CSMD1: variants seen among roughly 807,000 people sequenced by gnomAD.
CSMD1 encodes CUB and Sushi multiple domains 1.
In CSMD1, 213 loss-of-function variants were observed where a neutral mutation model predicts 417.5. That is an observed-to-expected ratio of 0.51 (90% CI 0.46 to 0.57). CSMD1 has a LOEUF of 0.57. CSMD1 is among the 20% of genes least tolerant of loss of function. The pLI, the probability that CSMD1 is intolerant of heterozygous loss-of-function variation, is 0.00. For synonymous variants in CSMD1, 2,862 were observed against 1,736.8 expected (o/e 1.65, Z -16.11); for missense variants, 6,923 against 4,529.7 (o/e 1.53, Z -15.17).
intron 54 of CSMD1, among the ~76,000 whole-genome samples, chr8:2,984,364 C>T (rs909546303): frequency 2.0e-5 from 3 of 151,784 alleles, no homozygotes; most frequent in East Asian, 1.9e-4. Context: ...TCTTTTTTCC[C>T]CCGAGACCAC....
At chr8:3,715,935 G>A (rs1801804976) in intron 6 of CSMD1, among the ~76,000 whole-genome samples, 1 of 152,184 alleles carries the variant, frequency 6.6e-6, no homozygotes, top group Non-Finnish European at 1.5e-5. Context: ...CCTACTCCCT[G>A]TGGACATGAT....
At chr8:4,030,578 C>A (rs983115480) in intron 4 of CSMD1, among the ~76,000 whole-genome samples, 1 of 152,144 alleles carries the variant, frequency 6.6e-6, no homozygotes, top group Non-Finnish European at 1.5e-5. Flanking sequence ...CTTTTATTCT[C>A]CTAGACCTCC....
At chr8:4,184,209 G>A (rs140554186) in intron 3 of CSMD1, among the ~76,000 whole-genome samples, 1 of 152,198 alleles carries the variant, frequency 6.6e-6, no homozygotes, top group Non-Finnish European at 1.5e-5. Context: ...CTGAGCCTAA[G>A]AGTATAACTG....
At chr8:3,372,868 C>A (rs1810060081) in intron 18 of CSMD1, among the ~76,000 whole-genome samples, 1 of 152,108 alleles carries the variant, frequency 6.6e-6, no homozygotes, top group South Asian at 2.1e-4. Flanking sequence ...AAATAAGCTT[C>A]CATAGAGGGA....
intron 3 of CSMD1, among the ~76,000 whole-genome samples, chr8:4,153,433 C>A (rs1448859557): frequency 6.6e-6 from 1 of 152,146 alleles, no homozygotes; most frequent in African/African-American, 2.4e-5. Flanking sequence ...GCCTGTGCCC[C>A]GCACTTAGCA....
rs1230101926 is a variant in CSMD1 at position 3,935,602 on chromosome 8, G to A, written c.818+62301C>T. Among the ~76,000 whole-genome samples, 6 of 152,154 alleles carry A rather than the reference G, an allele frequency of 3.9e-5. 1 individual carries two copies. The South Asian group carries it at 1.0e-3, about 26-fold the overall frequency. On this transcript the variant is annotated intron_variant, in intron 5 of 69. Transcript: ENST00000635120. ...TGATCTGTCATCAGTAATTTTTGTT[G>A]TAACTATTGTAATTGTTTGGGGGCC...
intron 1 of CSMD1, among the ~76,000 whole-genome samples, chr8:4,781,340 G>A (rs549754338): frequency 5.9e-5 from 9 of 152,270 alleles, no homozygotes; most frequent in East Asian, 5.8e-4. Context: ...TTACAACCAC[G>A]CATGAAACAA....
intron 2 of CSMD1, among the ~76,000 whole-genome samples, chr8:4,533,480 G>T (rs778147946): frequency 3.9e-5 from 6 of 152,122 alleles, no homozygotes; most frequent in Non-Finnish European, 8.8e-5. Flanking sequence ...CTCCTATTAT[G>T]CTCTTGGAGT....
chr8:3,194,295 C>G (rs1304782188), intron 33 of CSMD1, among the ~76,000 whole-genome samples: 2 of 152,080 alleles, frequency 1.3e-5, no homozygotes, highest in East Asian at 3.9e-4. Context: ...TTTGCCTGCC[C>G]AGAAATAACC....
At chr8:3,757,441 C>G (rs1024680242) in intron 5 of CSMD1, among the ~76,000 whole-genome samples, 10 of 152,276 alleles carry the variant, frequency 6.6e-5, no homozygotes, top group Non-Finnish European at 1.3e-4. Flanking sequence ...TTTTGTGTCA[C>G]AAAATAGTTA....
At chr8:3,686,207 G>A (rs1296273036) in intron 7 of CSMD1, among the ~76,000 whole-genome samples, 1 of 152,180 alleles carries the variant, frequency 6.6e-6, no homozygotes, top group Non-Finnish European at 1.5e-5. Context: ...TGAAGTTAGA[G>A]TGTGGGTCAC....
intron 5 of CSMD1, among the ~76,000 whole-genome samples, chr8:3,785,133 G>A (rs542270973): frequency 2.8e-4 from 43 of 152,262 alleles, no homozygotes; most frequent in African/African-American, 9.6e-4. Flanking sequence ...GTGATGTTGG[G>A]TAAGTTCTTT....
intron 1 of CSMD1, among the ~76,000 whole-genome samples, chr8:4,738,869 T>C (rs886621300): frequency 2.1e-5 from 3 of 145,848 alleles, no homozygotes; most frequent in African/African-American, 7.5e-5. Context: ...AGGAACTACA[T>C]ATAGTCATCT....
chr8:2,990,633 G>C (rs1163601596), intron 54 of CSMD1, among the ~76,000 whole-genome samples: 1 of 152,226 alleles, frequency 6.6e-6, no homozygotes, highest in African/African-American at 2.4e-5. Context: ...ACCTCTGTGA[G>C]CGATTCCATT....
chr8:3,789,198 C>T (rs939895910), intron 5 of CSMD1, among the ~76,000 whole-genome samples: 5 of 152,198 alleles, frequency 3.3e-5, no homozygotes, highest in South Asian at 2.1e-4. Context: ...AACATGAAAG[C>T]GCTGTGTATG....
chr8:3,678,347 C>G (rs1000105913), intron 7 of CSMD1, among the ~76,000 whole-genome samples: 1 of 152,116 alleles, frequency 6.6e-6, no homozygotes, highest in South Asian at 2.1e-4. Context: ...TTTAAAGGAC[C>G]TGATGGAGCT....
chr8:4,168,221 A>G (rs80307626), intron 3 of CSMD1, among the ~76,000 whole-genome samples: 2,259 of 151,756 alleles, frequency 0.015, 59 homozygotes, highest in East Asian at 0.065. Flanking sequence ...ACACACACAT[A>G]TATACACAAA....
At chr8:3,955,507 C>G (rs991465375) in intron 5 of CSMD1, among the ~76,000 whole-genome samples, 4 of 152,286 alleles carry the variant, frequency 2.6e-5, no homozygotes, top group Admixed American at 2.0e-4. Flanking sequence ...ATGTTTGAAG[C>G]TGTCAGCCAA....
intron 2 of CSMD1, among the ~76,000 whole-genome samples, chr8:4,620,040 T>A (rs1468401490): frequency 6.6e-6 from 1 of 152,154 alleles, no homozygotes; most frequent in Admixed American, 6.6e-5. Context: ...AAAATTAGAA[T>A]AGTATGGTGA....
Sources: allele counts gnomAD v4.1 joint callset (sites outside exome capture counted in the v4.1 genomes callset), GRCh38; gene constraint gnomAD v4.1.1; transcripts MANE v1.5; gene names NCBI Gene and HGNC (gene_info 2026-07-23, HGNC 2026-07-21).